SEMA6D: variants seen among roughly 807,000 people sequenced by gnomAD.
The protein encoded by SEMA6D is semaphorin 6D.
In SEMA6D, 35 loss-of-function variants were observed where a neutral mutation model predicts 106.6. The ratio of observed to expected loss-of-function variants is 0.33; its 90% CI spans 0.25 to 0.44. The LOEUF (loss-of-function observed/expected upper bound fraction) is 0.44. SEMA6D is among the 20% of genes least tolerant of loss of function. SEMA6D has a pLI of 1.00. For synonymous variants in SEMA6D, 499 were observed against 487.7 expected (o/e 1.02, Z -0.31); for missense variants, 1,185 against 1,345.9 (o/e 0.88, Z 1.87).
At chr15:47,444,795 C>G (rs2041980210) in intron 2 of SEMA6D, among the ~76,000 whole-genome samples, 1 of 152,066 alleles carries the variant, frequency 6.6e-6, no homozygotes, top group South Asian at 2.1e-4. Context: ...ACTCCTGAAG[C>G]CCATGTGGGC....
At chr15:47,573,039 G>A (rs1361106342) in intron 3 of SEMA6D, among the ~76,000 whole-genome samples, 1 of 151,944 alleles carries the variant, frequency 6.6e-6, no homozygotes, top group African/African-American at 2.4e-5. Flanking sequence ...AACAATAAAT[G>A]TTCTCTGTGC....
chr15:47,736,489 T>C (rs1343023787), intron 1 of SEMA6D, among the ~76,000 whole-genome samples: 1 of 152,232 alleles, frequency 6.6e-6, no homozygotes, highest in Non-Finnish European at 1.5e-5. Flanking sequence ...GAAATTTGTT[T>C]ATGAAAACAC....
chr15:47,367,734 A>G (rs936231818), intron 1 of SEMA6D, among the ~76,000 whole-genome samples: 1 of 151,820 alleles, frequency 6.6e-6, no homozygotes, highest in African/African-American at 2.4e-5. Context: ...ACACAGAGAG[A>G]GAGAAAGAGA....
chr15:47,613,905 C>T (rs1320093242), intron 4 of SEMA6D, among the ~76,000 whole-genome samples: 3 of 152,124 alleles, frequency 2.0e-5, no homozygotes, highest in East Asian at 3.9e-4. Context: ...CCTCGGCCTC[C>T]CAAAATGCTG....
intron 1 of SEMA6D, among the ~76,000 whole-genome samples, chr15:47,754,150 G>C (rs1396381886): frequency 6.6e-6 from 1 of 152,162 alleles, no homozygotes; most frequent in Non-Finnish European, 1.5e-5. Flanking sequence ...CCAACACATT[G>C]GGAGGCCCAG....
intron 4 of SEMA6D, among the ~76,000 whole-genome samples, chr15:47,667,114 A>G (rs571404140): frequency 6.6e-5 from 10 of 152,288 alleles, no homozygotes; most frequent in Non-Finnish European, 1.3e-4. Context: ...ACCAGAAACC[A>G]CAGAGCACAA....
chr15:47,286,037 T>C (rs1343861753), intron 1 of SEMA6D, among the ~76,000 whole-genome samples: 1 of 152,194 alleles, frequency 6.6e-6, no homozygotes, highest in African/African-American at 2.4e-5. Flanking sequence ...TTCCATCCCA[T>C]GTGTTGACTC....
In SEMA6D at chr15:47,249,021, G is replaced by A. The variant is rs553378621; in HGVS notation, c.-239+64603G>A. Among the ~76,000 whole-genome samples, 294 of 152,020 alleles carry A rather than the reference G, an allele frequency of 1.9e-3. 1 individual carries two copies. Among genetic ancestry groups the A allele is most frequent in the Middle Eastern group, 6.8e-3 (2 of 294 alleles). On this transcript the variant is annotated intron_variant, in intron 1 of 19. Coordinates refer to the SEMA6D transcript ENST00000558014. ...GGCGGGTGGATCACCTGAGGTCAGG[G>A]GTTAAAGACCAACCTGACCAACATG... is the stretch of plus-strand genomic sequence containing the variant.
In SEMA6D at chr15:47,765,992, T is replaced by C. The variant is rs1226730500; in HGVS notation, c.1551T>C (p.Arg517=). ...GCATCCCCCTCAGTCGCTGTGAGCG[T>C]TATGGATCATGTAAAAAGTAAGCTC... ...IIRIPLSRCE[R]YGSCKKSCIA... is the part of the protein sequence containing the mutation. Residue 517 remains arginine (R), a synonymous_variant, in exon 14 of 19, where the codon CGT becomes CGC. Coordinates refer to ENST00000536845, the MANE Select transcript of SEMA6D (RefSeq NM_001358351.3). 6.2e-7 allele frequency: 1 copy of C among 1,601,398 alleles called. No individual in the cohort carries two copies. The highest frequency in any genetic ancestry group is 1.7e-5 in the Admixed American group (1 of 59,078).
rs529019709 is a variant in SEMA6D, at chr15:47,709,806, C to T, written c.-54-49939C>T. Among the ~76,000 whole-genome samples the T allele has an allele frequency of 1.3e-4, 20 of 151,782 alleles. No homozygotes were observed. The South Asian group carries it at 3.3e-3, about 25-fold the overall frequency. On this transcript the variant is annotated intron_variant, in intron 4 of 19. Transcript: ENST00000558014. Reference sequence around the variant, plus strand: ...AGAATTATCCCCCTTCTCTAGGCTGCACATTTACTTGATACCAAAAATAGG... The same window carrying T: ...AGAATTATCCCCCTTCTCTAGGCTGTACATTTACTTGATACCAAAAATAGG...
intron 1 of SEMA6D, chr15:47,274,487 T>C (rs1190632636): frequency 6.6e-6 from 1 of 152,106 alleles, no homozygotes; most frequent in Non-Finnish European, 1.5e-5. Context: ...GCTCTGTTTG[T>C]GAGCTCAATA....
At chr15:47,623,899 T>C (rs2077155803) in intron 4 of SEMA6D, among the ~76,000 whole-genome samples, 2 of 152,158 alleles carry the variant, frequency 1.3e-5, no homozygotes, top group Admixed American at 1.3e-4. Context: ...TTTTTAATTT[T>C]CCCATGAAAC....
chr15:47,553,266 TA>T (rs1431558632), intron 3 of SEMA6D, among the ~76,000 whole-genome samples: 3 of 152,000 alleles, frequency 2.0e-5, no homozygotes, highest in Non-Finnish European at 4.4e-5. Flanking sequence ...TGAAATTCCT[TA>T]AAAAATTGTC....
At chr15:47,377,680 A>C (rs147993940) in intron 1 of SEMA6D, among the ~76,000 whole-genome samples, 1 of 152,334 alleles carries the variant, frequency 6.6e-6, no homozygotes, top group East Asian at 1.9e-4. Context: ...CTGAGTCAGA[A>C]GCAGGAAAGT....
At chr15:47,522,165 G>A (rs1366664296) in intron 3 of SEMA6D, among the ~76,000 whole-genome samples, 1 of 152,146 alleles carries the variant, frequency 6.6e-6, no homozygotes, top group Non-Finnish European at 1.5e-5. Context: ...CACAGAACCA[G>A]GACATTCCAT....
At chr15:47,232,414 CTGTCAAA>C (rs1336285410) in intron 1 of SEMA6D, among the ~76,000 whole-genome samples, 1 of 151,746 alleles carries the variant, frequency 6.6e-6, no homozygotes, top group East Asian at 1.9e-4. Flanking sequence ...TTTTGAGGAA[CTGTCAAA>C]AGTGTTTTCT....
At chr15:47,677,272 G>A (rs919020206) in intron 4 of SEMA6D, among the ~76,000 whole-genome samples, 26 of 152,174 alleles carry the variant, frequency 1.7e-4, no homozygotes, top group Non-Finnish European at 2.9e-4. Context: ...GCTGGTTATA[G>A]GCTGGGAGCT....
chr15:47,196,152 A>G (rs1424101835), intron 1 of SEMA6D, among the ~76,000 whole-genome samples: 3 of 152,014 alleles, frequency 2.0e-5, no homozygotes, highest in Admixed American at 1.3e-4. Context: ...CTGAGGAGCT[A>G]TGTGTTCTGC....
chr15:47,504,678 A>T (rs12908208), intron 3 of SEMA6D, among the ~76,000 whole-genome samples: 2 of 151,992 alleles, frequency 1.3e-5, no homozygotes, highest in East Asian at 1.9e-4. Context: ...TATGCCCTCT[A>T]AGTGGAACTC....
Sources: allele counts gnomAD v4.1 joint callset (sites outside exome capture counted in the v4.1 genomes callset), GRCh38; gene constraint gnomAD v4.1.1; transcripts MANE v1.5; gene names NCBI Gene and HGNC (gene_info 2026-07-23, HGNC 2026-07-21).